The following SVOPL variants were observed in gnomAD, a reference collection of about 807,000 sequenced individuals.
The protein encoded by SVOPL is putative transporter SVOPL.
SVOPL carries 60 observed loss-of-function variants against 61.0 expected under a neutral mutation model. The observed-to-expected ratio is 0.98, with a 90% CI of 0.80 to 1.22. The LOEUF is 1.22. SVOPL is among the 50% of genes most tolerant of loss of function. The probability of loss-of-function intolerance (pLI) is 0.00; values close to 1 mark genes in which losing one functional copy is unlikely to be tolerated. For synonymous variants in SVOPL, 279 were observed against 250.0 expected (o/e 1.12, Z -1.09); for missense variants, 662 against 643.9 (o/e 1.03, Z -0.30).
At chr7:138,656,021 G>A (rs1161427078) in intron 7 of SVOPL, among the ~76,000 whole-genome samples, 4 of 152,168 alleles carry the variant, frequency 2.6e-5, no homozygotes, top group Non-Finnish European at 5.9e-5. Flanking sequence ...GTCCATTGAT[G>A]TGGCAAACTT....
intron 9 of SVOPL, among the ~76,000 whole-genome samples, chr7:138,637,806 G>A (rs1019226620): frequency 4.6e-5 from 7 of 151,728 alleles, no homozygotes; most frequent in Admixed American, 2.6e-4. Context: ...ACAAAAACTA[G>A]CCAGGCATGG....
chr7:138,691,763 AC>A (rs1352029463), intron 1 of SVOPL, among the ~76,000 whole-genome samples: 4 of 150,992 alleles, frequency 2.6e-5, no homozygotes, highest in Admixed American at 2.6e-4. Flanking sequence ...CTGATCTCGA[AC>A]TCCTGACCTC....
chr7:138,687,745 A>G (rs1004422441), intron 1 of SVOPL, among the ~76,000 whole-genome samples: 10 of 151,370 alleles, frequency 6.6e-5, no homozygotes, highest in African/African-American at 2.4e-4. Flanking sequence ...TATACCTGAT[A>G]AGAGTGTAGT....
chr7:138,608,116 A>G lies in SVOPL; in HGVS notation c.1354-11586T>C, dbSNP rs141248466. ...AATCCCAGCAAGGGCCATAGGAGGA[A>G]AGATTGGACAAAGAAAGAGACAAAC... On this transcript the variant is annotated intron_variant, in intron 14 of 15. Transcript: ENST00000674285. Among the ~76,000 whole-genome samples the G allele has an allele frequency of 5.0e-3, 758 of 152,334 alleles. 10 individuals are homozygous for G. Among genetic ancestry groups the G allele is most frequent in the Non-Finnish European group, 3.7e-3 (251 of 68,036 alleles).
chr7:138,608,986 A>G (rs1364253275), intron 14 of SVOPL, among the ~76,000 whole-genome samples: 2 of 152,202 alleles, frequency 1.3e-5, no homozygotes, highest in African/African-American at 4.8e-5. Flanking sequence ...ACACATATTT[A>G]TGAAAGGCTC....
Position 138,644,745 on chromosome 7 carries a change from G to A in SVOPL, c.761C>T (p.Pro254Leu), listed in dbSNP as rs139491189. 230 of 1,614,148 alleles carry A rather than the reference G, an allele frequency of 1.4e-4. 1 individual carries two copies. In the African/African-American group the frequency reaches 2.1e-3, roughly 14 times the overall value. The change falls in exon 9 of 16, where the codon CCG becomes CTG. Residue 254 changes from proline to leucine, a missense_variant. Physicochemically the swap from Pro to Leu is moderately conservative, Grantham distance 98. Coordinates refer to ENST00000674285, the MANE Select transcript of SVOPL (RefSeq NM_001139456.2). ...GACGGGCTCCACCAGCTTCCCCTCC[G>A]GCATGACCGAGCGGTTCATCTTGGC... is the stretch of plus-strand genomic sequence containing the variant. Reference protein sequence around the residue: ...RVAKMNRSVMPEGKLVEPVLE... With the variant: ...RVAKMNRSVMLEGKLVEPVLE...
chr7:138,622,848 A>G (rs1280819438), intron 13 of SVOPL, among the ~76,000 whole-genome samples: 1 of 152,244 alleles, frequency 6.6e-6, no homozygotes, highest in Admixed American at 6.5e-5. Flanking sequence ...TCTTAAAGGA[A>G]CTAGAAGTTT....
intron 7 of SVOPL, among the ~76,000 whole-genome samples, chr7:138,654,829 A>T: frequency 6.6e-6 from 1 of 151,196 alleles, no homozygotes. Context: ...ATCTCCACAC[A>T]ACATAGTGAG....
At chr7:138,668,904 AC>A (rs1368345645) in intron 4 of SVOPL, among the ~76,000 whole-genome samples, 1 of 151,898 alleles carries the variant, frequency 6.6e-6, no homozygotes, top group Non-Finnish European at 1.5e-5. Context: ...GCCATCCTCC[AC>A]CCATCAGTCT....
chr7:138,669,067 C>G (rs1168362961), intron 4 of SVOPL, among the ~76,000 whole-genome samples: 1 of 152,134 alleles, frequency 6.6e-6, no homozygotes, highest in Non-Finnish European at 1.5e-5. Context: ...GAATCAAGGT[C>G]CCTCTAACCT....
At chr7:138,646,488 G>A (rs1801118105) in intron 8 of SVOPL, 1 of 157,688 alleles carries the variant, frequency 6.3e-6, no homozygotes. Context: ...TGGTCAAAAG[G>A]AAGCCCTTTG....
At chr7:138,626,106 A>ATGCT in intron 12 of SVOPL, 56 bp from the exon 13 acceptor site, 1 of 1,559,212 alleles carries the variant, frequency 6.4e-7, no homozygotes, top group Non-Finnish European at 8.8e-7. Flanking sequence ...GACCACCTCC[A>ATGCT]GTGGCCCAGC....
chr7:138,671,636 C>T (rs1802420492), intron 4 of SVOPL, among the ~76,000 whole-genome samples: 1 of 152,206 alleles, frequency 6.6e-6, no homozygotes, highest in Non-Finnish European at 1.5e-5. Context: ...GCATGAGCCA[C>T]TGCACCAGGC....
chr7:138,601,542 T>C (rs977029244), intron 14 of SVOPL, among the ~76,000 whole-genome samples: 1 of 151,552 alleles, frequency 6.6e-6, no homozygotes. Flanking sequence ...CTCTCTCTTA[T>C]ATGTGGAATC....
chr7:138,700,612 T>A (rs1803171123), intron 1 of SVOPL, among the ~76,000 whole-genome samples: 1 of 152,076 alleles, frequency 6.6e-6, no homozygotes, highest in Admixed American at 6.6e-5. Flanking sequence ...GTGCTGGGAT[T>A]ACAGGCGTGA....
intron 1 of SVOPL, among the ~76,000 whole-genome samples, chr7:138,690,375 CCAAAA>C: frequency 6.6e-6 from 1 of 152,012 alleles, no homozygotes; most frequent in Non-Finnish European, 1.5e-5. Context: ...CATCTGGGAG[CCAAAA>C]GTAGGAATGG....
intron 15 of SVOPL, among the ~76,000 whole-genome samples, 200 bp downstream of exon 15, chr7:138,596,217 G>C (rs942970961): frequency 6.9e-6 from 1 of 144,980 alleles, no homozygotes; most frequent in Non-Finnish European, 1.5e-5. Flanking sequence ...AGAAAGAAAA[G>C]TGGGAAGGAT....
intron 9 of SVOPL, among the ~76,000 whole-genome samples, chr7:138,633,160 G>C (rs866403967): frequency 6.6e-6 from 1 of 152,176 alleles, no homozygotes; most frequent in Admixed American, 6.6e-5. Context: ...AAACCCATGA[G>C]AGTGTATTTC....
intron 14 of SVOPL, among the ~76,000 whole-genome samples, chr7:138,609,719 T>TGGG (rs755165258): frequency 7.3e-5 from 4 of 55,008 alleles, no homozygotes; most frequent in East Asian, 4.0e-4. Flanking sequence ...GTTTTTTTTT[T>TGGG]GGGGGGGGTG....
Sources: allele counts gnomAD v4.1 joint callset (sites outside exome capture counted in the v4.1 genomes callset), GRCh38; gene constraint gnomAD v4.1.1; transcripts MANE v1.5; gene names NCBI Gene and HGNC (gene_info 2026-07-23, HGNC 2026-07-21).